The following KDM2A variants were observed in gnomAD, a reference collection of about 807,000 sequenced individuals.
KDM2A encodes the protein lysine demethylase 2A.
Under a neutral mutation model 137.3 loss-of-function variants are expected in KDM2A, and 3 were observed. That is an observed-to-expected ratio of 0.02 (90% CI 0.01 to 0.06). The LOEUF (loss-of-function observed/expected upper bound fraction) is 0.06. Among genes scored for constraint, KDM2A ranks in the 10% least tolerant of loss-of-function variants. The pLI is 1.00. For synonymous variants in KDM2A, 512 were observed against 541.5 expected (o/e 0.95, Z 0.76); for missense variants, 738 against 1,510.6 (o/e 0.49, Z 8.48).
At chr11:67,177,171 C>T (rs1312848555) in intron 2 of KDM2A, among the ~76,000 whole-genome samples, 3 of 151,894 alleles carry the variant, frequency 2.0e-5, no homozygotes, top group African/African-American at 7.3e-5. Flanking sequence ...GAGGCTGAGG[C>T]GAGAGAATCA....
chr11:67,217,645 C>G, intron 8 of KDM2A, 86 bp from the exon 9 acceptor site: 1 of 1,370,986 alleles, frequency 7.3e-7, no homozygotes, highest in Non-Finnish European at 1.0e-6. Flanking sequence ...ACCTGGTGGT[C>G]TTAATTTTGT....
intron 2 of KDM2A, among the ~76,000 whole-genome samples, chr11:67,145,898 C>A (rs1411570677): frequency 6.7e-6 from 1 of 149,810 alleles, no homozygotes; most frequent in Admixed American, 6.6e-5. Context: ...TTTTTTAATT[C>A]CTGCTTTTCA....
chr11:67,232,046 T>A (rs1858734239), intron 12 of KDM2A, 86 bp downstream of exon 12: 1 of 1,355,650 alleles, frequency 7.4e-7, no homozygotes, highest in Non-Finnish European at 1.0e-6. Flanking sequence ...TATAGGAATT[T>A]TGGGTGATCT....
At chr11:67,247,061 A>ATTT (rs1422012809) in intron 15 of KDM2A, among the ~76,000 whole-genome samples, 4 of 24,482 alleles carry the variant, frequency 1.6e-4, no homozygotes, top group Admixed American at 1.4e-3. Flanking sequence ...ATATATATAT[A>ATTT]TATATATATA....
At chr11:67,129,203 C>T (rs1049330254) in intron 2 of KDM2A, among the ~76,000 whole-genome samples, 7 of 152,236 alleles carry the variant, frequency 4.6e-5, no homozygotes, top group African/African-American at 1.2e-4. Flanking sequence ...CAAATAAAAA[C>T]GTATGTGTAG....
At chr11:67,182,036 T>C (rs1322834488) in intron 5 of KDM2A, 144 bp downstream of exon 5, 2 of 725,596 alleles carry the variant, frequency 2.8e-6, no homozygotes, top group East Asian at 5.5e-5. Flanking sequence ...GAACTGAGAA[T>C]TTTATCAAAG....
chr11:67,122,441 C>CT (rs1489120811), intron 2 of KDM2A, among the ~76,000 whole-genome samples: 3 of 152,032 alleles, frequency 2.0e-5, no homozygotes, highest in Non-Finnish European at 4.4e-5. Flanking sequence ...ATCCTCCTGC[C>CT]TCAGCCTTGC....
chr11:67,190,550 AG>A (rs1170985512), intron 5 of KDM2A, among the ~76,000 whole-genome samples: 1 of 152,102 alleles, frequency 6.6e-6, no homozygotes, highest in African/African-American at 2.4e-5. Flanking sequence ...GCCTGAGCTC[AG>A]GAGTTTGAGA....
Position 67,258,023 on chromosome 11 carries a change from T to A in KDM2A, c.*2968T>A, listed in dbSNP as rs990429812. 6.6e-6 allele frequency: 1 copy of A among 152,232 alleles called. No homozygotes were observed. The highest frequency in any genetic ancestry group is 1.5e-5 in the Non-Finnish European group (1 of 68,052). The allele number at this position is 152,232 out of a possible 1,614,324, so 9.4% of individuals were successfully genotyped here. On this transcript the variant is annotated 3_prime_UTR_variant, in exon 21 of 21. Coordinates refer to ENST00000529006, the MANE Select transcript of KDM2A (RefSeq NM_012308.3). ...AATGGGAAATATTTTAATTTAGGTT[T>A]TGTTTTTGTTTGGGGGTTTTTGTTT... is the stretch of plus-strand genomic sequence containing the variant.
chr11:67,176,722 G>A (rs1195748601), intron 2 of KDM2A, among the ~76,000 whole-genome samples: 2 of 152,104 alleles, frequency 1.3e-5, no homozygotes, highest in African/African-American at 4.8e-5. Context: ...ACTATAGGCA[G>A]TTATAGCATG....
At chr11:67,180,814 G>A (rs1434221897) in intron 3 of KDM2A, among the ~76,000 whole-genome samples, 4 of 151,560 alleles carry the variant, frequency 2.6e-5, no homozygotes, top group African/African-American at 9.7e-5. Context: ...CACCACACCC[G>A]GCTAATTTTT....
intron 12 of KDM2A, among the ~76,000 whole-genome samples, chr11:67,234,542 A>C (rs1220706181): frequency 1.3e-5 from 2 of 152,186 alleles, no homozygotes; most frequent in Non-Finnish European, 2.9e-5. Flanking sequence ...ATAGAGTTGG[A>C]AGAGGATTAA....
In KDM2A at chr11:67,215,418, T is replaced by C; in HGVS notation, c.565T>C (p.Leu189=). 1 of 1,613,630 alleles carries C rather than the reference T, an allele frequency of 6.2e-7. No individual in the cohort carries two copies. Among genetic ancestry groups the C allele is most frequent in the East Asian group, 2.2e-5 (1 of 44,876 alleles). ...CCAGACTGAATCAACAAATGCCATC[T>C]TGGAGATGCAGTACCCTAAAGTGCA... The part of the protein sequence containing the change: ...ESQTESTNAI[L]EMQYPKVQKY... The change falls in exon 7 of 21, where the codon TTG becomes CTG. Residue 189 remains leucine, a synonymous_variant. Coordinates refer to ENST00000529006, the MANE Select transcript of KDM2A (RefSeq NM_012308.3).
At chr11:67,129,195 A>G (rs1855795627) in intron 2 of KDM2A, among the ~76,000 whole-genome samples, 1 of 152,240 alleles carries the variant, frequency 6.6e-6, no homozygotes, top group Non-Finnish European at 1.5e-5. Context: ...AACTATAACA[A>G]ATAAAAACGT....
intron 5 of KDM2A, among the ~76,000 whole-genome samples, chr11:67,205,819 T>G (rs923912889): frequency 6.6e-6 from 1 of 152,080 alleles, no homozygotes; most frequent in African/African-American, 2.4e-5. Context: ...TTTCTCTCCC[T>G]TCCTTGACCA....
In KDM2A at chr11:67,164,241, T is replaced by A. The variant is rs986030232; in HGVS notation, c.43-15838T>A. Among the ~76,000 whole-genome samples, 6 of 152,186 alleles carry A rather than the reference T, an allele frequency of 3.9e-5. No individual in the cohort carries two copies. The East Asian group carries it at 9.6e-4, about 24-fold the overall frequency. On this transcript the variant is annotated intron_variant, in intron 2 of 20. Transcript: ENST00000529006. ...CTACTTCTGACTCTAATCCATTTGTTCTTCTGATTATGTAGTTTTGCTAAA... is the reference window on the plus strand; with the variant it reads ...CTACTTCTGACTCTAATCCATTTGTACTTCTGATTATGTAGTTTTGCTAAA...
intron 5 of KDM2A, among the ~76,000 whole-genome samples, chr11:67,191,434 G>A (rs975812818): frequency 6.6e-6 from 1 of 152,256 alleles, no homozygotes; most frequent in East Asian, 1.9e-4. Flanking sequence ...GAACAATGAT[G>A]TAAAACTCCT....
rs879358615 is a variant in KDM2A, at chr11:67,168,582, T to TAATACACACACACAC, written c.43-11496_43-11495insATACACACACACACA. Among the ~76,000 whole-genome samples, 155 of 34,000 alleles carry TAATACACACACACAC rather than the reference T, an allele frequency of 4.6e-3. 71 individuals carry two copies. Among genetic ancestry groups the TAATACACACACACAC allele is most frequent in the East Asian group, 0.027 (33 of 1,226 alleles). The allele number at this position is 34,000 out of a possible 152,430, so 22.3% of individuals were successfully genotyped here. On this transcript the variant is annotated intron_variant, in intron 2 of 20. Coordinates refer to ENST00000529006, the MANE Select transcript of KDM2A (RefSeq NM_012308.3). The stretch of plus-strand genomic sequence containing the variant: ...CACACACACAGTCTTGTATGAATTA[T>TAATACACACACACAC]ACACACACACACACACACACACACA...
intron 5 of KDM2A, chr11:67,196,995 C>G (rs1451650507): frequency 6.5e-6 from 1 of 152,804 alleles, no homozygotes; most frequent in Non-Finnish European, 1.5e-5. Context: ...CGGTTTTCTT[C>G]CCACTTCCTT....
Sources: gnomAD v4.1 joint callset for allele counts (sites outside exome capture counted in the v4.1 genomes callset) on GRCh38, gnomAD v4.1.1 for gene constraint, MANE v1.5 for transcripts, NCBI Gene and HGNC (gene_info 2026-07-23, HGNC 2026-07-21) for gene names.